Variants in ANO6 observed in about 807,000 individuals in gnomAD.
ANO6 encodes the protein anoctamin 6.
In ANO6, 106 loss-of-function variants were observed where a neutral mutation model predicts 117.5. The ratio of observed to expected loss-of-function variants is 0.90; its 90% CI spans 0.77 to 1.06. The LOEUF (loss-of-function observed/expected upper bound fraction) is 1.06, where lower values mean the gene tolerates loss of function less well. Ranked by LOEUF, ANO6 falls within the 50% of genes least tolerant of loss-of-function variation. The probability of loss-of-function intolerance (pLI) is 0.00; values close to 1 mark genes in which losing one functional copy is unlikely to be tolerated. For missense variants in ANO6, 955 were observed against 1,121.1 expected (o/e 0.85, Z 2.12); for synonymous variants, 367 against 385.1 (o/e 0.95, Z 0.55).
intron 12 of ANO6, among the ~76,000 whole-genome samples, chr12:45,397,408 A>G (rs557508859): frequency 1.7e-4 from 26 of 152,348 alleles, no homozygotes; most frequent in Non-Finnish European, 3.7e-4. Context: ...TGGTTCAACC[A>G]TTGTGGAAGA....
At chr12:45,394,538 T>A (rs1942554904) in intron 12 of ANO6, among the ~76,000 whole-genome samples, 1 of 152,176 alleles carries the variant, frequency 6.6e-6, no homozygotes, top group Admixed American at 6.5e-5. Context: ...CAACAGAATA[T>A]ACATTCTTCT....
intron 1 of ANO6, among the ~76,000 whole-genome samples, chr12:45,279,492 A>G (rs1157571418): frequency 6.6e-6 from 1 of 152,202 alleles, no homozygotes; most frequent in Non-Finnish European, 1.5e-5. Flanking sequence ...CTTTAAATAA[A>G]GTTTCACCGA....
chr12:45,356,408 G>A (rs944573188), intron 7 of ANO6, among the ~76,000 whole-genome samples: 3 of 152,070 alleles, frequency 2.0e-5, no homozygotes, highest in Admixed American at 1.3e-4. Flanking sequence ...ACATACAGTC[G>A]AAAACCTGCA....
chr12:45,346,732 T>C (rs2137443955), intron 3 of ANO6, among the ~76,000 whole-genome samples: 1 of 152,294 alleles, frequency 6.6e-6, no homozygotes, highest in East Asian at 1.9e-4. Context: ...AGCAGGATAC[T>C]GTTATTTACC....
intron 1 of ANO6, among the ~76,000 whole-genome samples, chr12:45,231,975 G>T (rs1016394363): frequency 6.6e-6 from 1 of 152,020 alleles, no homozygotes; most frequent in East Asian, 1.9e-4. Flanking sequence ...ATTTGGCAAA[G>T]AAAAAAATCA....
Position 45,431,563 on chromosome 12 carries a change from C to T in ANO6, c.*2252C>T. ...AAAAAACCCTCTACATATTGAAAGG[C>T]ACCAAATGTAATATCTGACACTGTT... On this transcript the variant is annotated 3_prime_UTR_variant, in exon 20 of 20. Coordinates refer to ENST00000320560, the MANE Select transcript of ANO6 (RefSeq NM_001025356.3). 2.0e-6 allele frequency: 2 copies of T among 985,416 alleles called. No individual in the cohort carries two copies. The highest frequency in any genetic ancestry group is 2.4e-6 in the Non-Finnish European group (2 of 829,932). The allele number at this position is 985,416 out of a possible 1,614,324, so 61.0% of individuals were successfully genotyped here. A position where few individuals can be genotyped will look rare whatever the true frequency, so the allele number is the denominator to read the frequency against.
rs571057618 is a variant in ANO6, at chr12:45,341,931, C to T, written c.280-5091C>T. On this transcript the variant is annotated intron_variant, in intron 3 of 19. Transcript: ENST00000320560. ...ATGGTGATGGCTGACATATCTACAG[C>T]GCTTATCATATGCCAAGCATCATGC... Among the ~76,000 whole-genome samples, 446 of 152,164 alleles carry T rather than the reference C, an allele frequency of 2.9e-3. 2 individuals carry two copies. The highest frequency in any genetic ancestry group is 5.1e-3 in the Non-Finnish European group (348 of 68,000).
intron 1 of ANO6, among the ~76,000 whole-genome samples, chr12:45,254,359 G>A (rs1937735724): frequency 6.6e-6 from 1 of 152,200 alleles, no homozygotes; most frequent in African/African-American, 2.4e-5. Context: ...GGGAGAGGAG[G>A]ATGGGGATGT....
At chr12:45,270,502 T>TA (rs1423959368) in intron 1 of ANO6, 4 of 1,335,296 alleles carry the variant, frequency 3.0e-6, no homozygotes, top group Non-Finnish European at 4.1e-6. Flanking sequence ...TGACTCCTCA[T>TA]ACTCACCTCC....
At chr12:45,235,458 C>G (rs1378784814) in intron 1 of ANO6, among the ~76,000 whole-genome samples, 2 of 152,120 alleles carry the variant, frequency 1.3e-5, no homozygotes, top group South Asian at 4.1e-4. Flanking sequence ...ATGTTTACTG[C>G]AATGTGGGAA....
chr12:45,249,466 T>A (rs567735905), intron 1 of ANO6, among the ~76,000 whole-genome samples: 1 of 152,336 alleles, frequency 6.6e-6, no homozygotes, highest in Non-Finnish European at 1.5e-5. Context: ...AAAATCCTTT[T>A]GGTGTAATAG....
In ANO6 at chr12:45,367,707, G is replaced by A; in HGVS notation, c.1018G>A (p.Asp340Asn). The A allele has an allele frequency of 6.2e-7, 1 of 1,613,068 alleles. No individual in the cohort carries two copies. Among genetic ancestry groups the A allele is most frequent in the East Asian group, 2.2e-5 (1 of 44,768 alleles). The change falls in exon 9 of 20, where the codon GAT (aspartate) becomes AAT (asparagine). Residue 340 changes from aspartate to asparagine, a missense_variant. Coordinates refer to ENST00000320560, the MANE Select transcript of ANO6 (RefSeq NM_001025356.3). ...TTTTAGCAAAGAAGTTTGTCATCCT[G>A]ATATTGGTGGCAAGATCATAATGTG... Reference protein sequence around the residue: ...CTWSKEVCHPDIGGKIIMCPQ... With the variant: ...CTWSKEVCHPNIGGKIIMCPQ...
chr12:45,420,585 A>G (rs767280055), intron 17 of ANO6, among the ~76,000 whole-genome samples: 4 of 152,072 alleles, frequency 2.6e-5, no homozygotes, highest in Non-Finnish European at 5.9e-5. Flanking sequence ...AGCCTGGGCA[A>G]CAGAGCAAGA....
intron 2 of ANO6, among the ~76,000 whole-genome samples, chr12:45,303,081 G>A (rs773198120): frequency 4.6e-5 from 7 of 152,162 alleles, no homozygotes; most frequent in Non-Finnish European, 1.0e-4. Context: ...AAAGAAACTA[G>A]AGAGTGCTCT....
intron 16 of ANO6, among the ~76,000 whole-genome samples, chr12:45,409,729 A>T (rs188913369): frequency 3.3e-5 from 5 of 152,304 alleles, no homozygotes; most frequent in Admixed American, 1.3e-4. Context: ...TGGAATATTC[A>T]TTGAGGTACA....
chr12:45,348,212 C>T lies in ANO6; in HGVS notation c.530C>T (p.Pro177Leu), dbSNP rs1271551117. The T allele has an allele frequency of 3.1e-6, 5 of 1,613,936 alleles. No individual in the cohort carries two copies. The highest frequency in any genetic ancestry group is 1.6e-4 in the Middle Eastern group (1 of 6,062). The stretch of plus-strand genomic sequence containing the variant: ...AGTGTAGACGAAAGCATCATCAAGC[C>T]AGAGCAAGAGTTTTTCACTGCCCCA... ...VLSVDESIIKPEQEFFTAPFE... is the reference protein window; with the variant it reads ...VLSVDESIIKLEQEFFTAPFE... The change falls in exon 5 of 20, where the codon CCA (proline) becomes CTA (leucine). Residue 177 changes from proline to leucine, a missense_variant. By Grantham distance (98) the Pro-to-Leu change is moderately conservative (BLOSUM62 -3). Coordinates refer to ENST00000320560, the MANE Select transcript of ANO6 (RefSeq NM_001025356.3).
intron 1 of ANO6, among the ~76,000 whole-genome samples, chr12:45,263,367 CTTTTTTTTTTT>C (rs72457782): frequency 1.3e-5 from 1 of 79,178 alleles, no homozygotes; most frequent in Non-Finnish European, 2.3e-5. Context: ...CTGGCCTGGC[CTTTTTTTTTTT>C]TTTTTTTTTT....
chr12:45,216,203 T>A lies in ANO6; in HGVS notation c.-119T>A. ...GGCGCTGGCTGGGCTCAGCGGCCCC[T>A]GAGCCCAAGCGACACACGCCCCGCG... On this transcript the variant is annotated 5_prime_UTR_variant, in exon 1 of 20. Coordinates refer to ENST00000320560, the MANE Select transcript of ANO6 (RefSeq NM_001025356.3). The A allele has an allele frequency of 2.5e-6, 3 of 1,198,638 alleles. No homozygotes were observed. The highest frequency in any genetic ancestry group is 2.6e-5 in the South Asian group (2 of 75,664). 74.3% of individuals were successfully genotyped at this position (1,198,638 alleles called of 1,614,324 possible). A position where few individuals can be genotyped will look rare whatever the true frequency, so the allele number is the denominator to read the frequency against.
intron 2 of ANO6, 131 bp from the exon 3 acceptor site, chr12:45,331,164 T>C (rs1220151187): frequency 2.3e-5 from 18 of 766,490 alleles, no homozygotes; most frequent in Non-Finnish European, 2.7e-5. Flanking sequence ...CCATGACTGT[T>C]TGGTAAGCTA....
Sources: allele counts gnomAD v4.1 joint callset (sites outside exome capture counted in the v4.1 genomes callset), GRCh38; gene constraint gnomAD v4.1.1; transcripts MANE v1.5; gene names NCBI Gene and HGNC (gene_info 2026-07-23, HGNC 2026-07-21).